RBFOX1: variants seen among roughly 807,000 people sequenced by gnomAD.
RBFOX1 encodes RNA binding fox-1 homolog 1.
In RBFOX1, 8 loss-of-function variants were observed where a neutral mutation model predicts 57.7. The observed-to-expected ratio is 0.14, with a 90% CI of 0.08 to 0.25. The LOEUF (loss-of-function observed/expected upper bound fraction) is 0.25, where lower values mean the gene tolerates loss of function less well. Ranked by LOEUF, RBFOX1 falls within the 10% of genes least tolerant of loss-of-function variation. The pLI is 1.00. For synonymous variants in RBFOX1, 326 were observed against 222.4 expected (o/e 1.47, Z -4.15); for missense variants, 611 against 548.5 (o/e 1.11, Z -1.14).
intron 3 of RBFOX1, among the ~76,000 whole-genome samples, chr16:5,739,856 C>G (rs1211332129): frequency 6.6e-6 from 1 of 152,168 alleles, no homozygotes. Flanking sequence ...AAGCTTCATT[C>G]CAGTTTTTCA....
intron 4 of RBFOX1, among the ~76,000 whole-genome samples, chr16:7,183,522 TC>T (rs546599945): frequency 1.3e-3 from 205 of 152,370 alleles, no homozygotes; most frequent in African/African-American, 4.8e-3. Context: ...ATCTATTTTT[TC>T]TTTACTTTGT....
intron 4 of RBFOX1, among the ~76,000 whole-genome samples, chr16:7,062,660 T>C (rs1203233616): frequency 6.6e-6 from 1 of 152,140 alleles, no homozygotes; most frequent in Non-Finnish European, 1.5e-5. Context: ...GTTGAATTCT[T>C]TCTCCTGAGA....
At chr16:5,257,864 G>A (rs1367894182) in intron 1 of RBFOX1, among the ~76,000 whole-genome samples, 1 of 151,974 alleles carries the variant, frequency 6.6e-6, no homozygotes, top group African/African-American at 2.4e-5. Flanking sequence ...GGGGGAAATG[G>A]GATCAAGAGG....
chr16:5,781,643 A>G (rs2054327560), intron 3 of RBFOX1, among the ~76,000 whole-genome samples: 1 of 152,220 alleles, frequency 6.6e-6, no homozygotes, highest in Non-Finnish European at 1.5e-5. Context: ...GTGTACACAA[A>G]TGGATGTGGC....
At chr16:6,925,273 A>T (rs907107102) in intron 3 of RBFOX1, among the ~76,000 whole-genome samples, 1 of 150,958 alleles carries the variant, frequency 6.6e-6, no homozygotes, top group Non-Finnish European at 1.5e-5. Flanking sequence ...AGCTGGGATT[A>T]CAGGTGCAAA....
intron 3 of RBFOX1, among the ~76,000 whole-genome samples, chr16:5,740,008 A>T (rs1230542080): frequency 6.6e-6 from 1 of 152,170 alleles, no homozygotes; most frequent in Non-Finnish European, 1.5e-5. Context: ...CAGCAGTGGG[A>T]GGGGTCCATG....
rs1295656275 is a variant in RBFOX1 at position 6,282,151 on chromosome 16, C to T, written c.-126-34844C>T. Among the ~76,000 whole-genome samples, 3 of 152,252 alleles carry T rather than the reference C, an allele frequency of 2.0e-5. No individual in the cohort carries two copies. In the East Asian group the frequency reaches 5.8e-4, roughly 30 times the overall value. On this transcript the variant is annotated intron_variant, in intron 1 of 15. Transcript: ENST00000550418. ...TGCAGAAGCTCTCTTCATCTGAATT[C>T]ACAAGTATTGACTGTTTCTTGGGAA...
chr16:5,429,637 A>T (rs2067669198), intron 1 of RBFOX1, among the ~76,000 whole-genome samples: 4 of 152,112 alleles, frequency 2.6e-5, no homozygotes, highest in South Asian at 4.2e-4. Flanking sequence ...TACCAGAATG[A>T]GGTGTGGGTG....
chr16:6,996,182 A>G (rs1460912175), intron 3 of RBFOX1, among the ~76,000 whole-genome samples: 1 of 152,202 alleles, frequency 6.6e-6, no homozygotes, highest in Non-Finnish European at 1.5e-5. Flanking sequence ...GTTCCCGATA[A>G]ATCATTGCCT....
At chr16:6,940,069 G>A (rs1188611263) in intron 3 of RBFOX1, among the ~76,000 whole-genome samples, 1 of 152,122 alleles carries the variant, frequency 6.6e-6, no homozygotes, top group Non-Finnish European at 1.5e-5. Context: ...ACAAAAAATA[G>A]TAATCCCAGT....
chr16:6,022,029 G>T (rs1435099985), intron 1 of RBFOX1, among the ~76,000 whole-genome samples: 1 of 152,130 alleles, frequency 6.6e-6, no homozygotes, highest in African/African-American at 2.4e-5. Flanking sequence ...TTTAAGTAAG[G>T]AACAGAAGCC....
At chr16:7,223,262 T>G (rs1267326057) in intron 4 of RBFOX1, among the ~76,000 whole-genome samples, 1 of 152,228 alleles carries the variant, frequency 6.6e-6, no homozygotes, top group African/African-American at 2.4e-5. Context: ...TAGGGGAGTC[T>G]GCATAGGTCC....
At chr16:6,477,944 G>A (rs963957512) in intron 2 of RBFOX1, among the ~76,000 whole-genome samples, 4 of 152,066 alleles carry the variant, frequency 2.6e-5, no homozygotes, top group African/African-American at 9.7e-5. Context: ...ACCTCTGCTA[G>A]CTTCACACTT....
intron 3 of RBFOX1, among the ~76,000 whole-genome samples, chr16:6,874,885 A>G (rs1007582385): frequency 6.6e-6 from 1 of 152,186 alleles, no homozygotes; most frequent in African/African-American, 2.4e-5. Flanking sequence ...AAGGAACATT[A>G]CCTGTTCCCA....
At chr16:6,325,723 C>T (rs1285211700) in intron 2 of RBFOX1, among the ~76,000 whole-genome samples, 1 of 152,050 alleles carries the variant, frequency 6.6e-6, no homozygotes, top group South Asian at 2.1e-4. Flanking sequence ...TTTGGTTTTT[C>T]CAAATTCAGG....
At chr16:7,145,169 C>T (rs1215650628) in intron 4 of RBFOX1, among the ~76,000 whole-genome samples, 1 of 152,132 alleles carries the variant, frequency 6.6e-6, no homozygotes, top group African/African-American at 2.4e-5. Flanking sequence ...CCAATCATTT[C>T]TTTACCCCCT....
intron 1 of RBFOX1, among the ~76,000 whole-genome samples, chr16:6,263,145 A>G (rs540176676): frequency 3.9e-5 from 6 of 152,302 alleles, no homozygotes; most frequent in African/African-American, 1.4e-4. Flanking sequence ...GGTTGAAATG[A>G]GAAAGAGATG....
chr16:5,366,659 C>G, intron 1 of RBFOX1: 3 of 430,124 alleles, frequency 7.0e-6, no homozygotes, highest in South Asian at 5.7e-5. Context: ...GAGGCTATTC[C>G]CGATCTCTGG....
At chr16:7,698,723 A>G (rs1475624902) in intron 14 of RBFOX1, among the ~76,000 whole-genome samples, 2 of 152,140 alleles carry the variant, frequency 1.3e-5, no homozygotes, top group East Asian at 1.9e-4. Context: ...TCCATTTCCA[A>G]TAAAGTGTGA....
Sources: gnomAD v4.1 joint callset for allele counts (sites outside exome capture counted in the v4.1 genomes callset) on GRCh38, gnomAD v4.1.1 for gene constraint, MANE v1.5 for transcripts, NCBI Gene and HGNC (gene_info 2026-07-23, HGNC 2026-07-21) for gene names.